Variants in ITGBL1 observed in about 807,000 individuals in gnomAD.
ITGBL1 encodes the protein integrin beta-like protein 1.
A neutral mutation model predicts 68.5 loss-of-function variants in ITGBL1; 51 were observed. The ratio of observed to expected loss-of-function variants is 0.74; its 90% CI spans 0.59 to 0.94. ITGBL1 has a LOEUF of 0.94. ITGBL1 is among the 40% of genes least tolerant of loss of function. The pLI is 0.00. For missense variants in ITGBL1, 649 were observed against 647.4 expected, an observed-to-expected ratio of 1.00 and a Z score of -0.03; for synonymous variants, 209 against 227.3, an observed-to-expected ratio of 0.92 and a Z score of 0.72.
chr13:101,597,590 C>T (rs946686620), intron 6 of ITGBL1, among the ~76,000 whole-genome samples: 2 of 151,548 alleles, frequency 1.3e-5, no homozygotes, highest in African/African-American at 2.4e-5. Context: ...CTCCCTCTGT[C>T]GCTCAGGCTG....
chr13:101,492,800 T>C (rs1038591679), intron 2 of ITGBL1, among the ~76,000 whole-genome samples: 4 of 152,220 alleles, frequency 2.6e-5, no homozygotes, highest in African/African-American at 9.6e-5. Flanking sequence ...CTCTCAAGTA[T>C]ATTGTCTCAC....
At chr13:101,616,069 G>T (rs1425535378) in intron 7 of ITGBL1, among the ~76,000 whole-genome samples, 1 of 152,180 alleles carries the variant, frequency 6.6e-6, no homozygotes, top group Admixed American at 6.5e-5. Flanking sequence ...ATTAGATACA[G>T]CGTAAAAAAG....
chr13:101,461,617 C>G (rs949149347), intron 2 of ITGBL1, among the ~76,000 whole-genome samples: 2 of 152,058 alleles, frequency 1.3e-5, no homozygotes, highest in African/African-American at 4.8e-5. Flanking sequence ...CTCATTTGAG[C>G]ATGGGAGATT....
At position 101,493,904 on chromosome 13, in the gene ITGBL1, A is replaced by G. The variant is rs187001362; in HGVS notation, c.316+39804A>G. Among the ~76,000 whole-genome samples, 347 of 152,332 alleles carry G rather than the reference A, an allele frequency of 2.3e-3. 2 individuals carry two copies. The highest frequency in any genetic ancestry group is 2.8e-3 in the Non-Finnish European group (192 of 68,030). ...GTTGCTAGTTTCTAATTTCAGATCC[A>G]TTTAAGAGATTTGCCAGGTTAGATT... On this transcript the variant is annotated intron_variant, in intron 2 of 10. Transcript: ENST00000376180.
intron 7 of ITGBL1, among the ~76,000 whole-genome samples, chr13:101,661,128 T>TAA (rs5806242): frequency 0.12 from 17,460 of 149,328 alleles, 1,212 homozygotes; most frequent in East Asian, 0.31. Flanking sequence ...ACAAACATAG[T>TAA]AAAAAAAAAA....
chr13:101,689,958 T>G (rs1405476110), intron 7 of ITGBL1, among the ~76,000 whole-genome samples: 1 of 152,252 alleles, frequency 6.6e-6, no homozygotes, highest in Non-Finnish European at 1.5e-5. Context: ...TCTTATTCTA[T>G]TTTTGGTGCC....
intron 7 of ITGBL1, among the ~76,000 whole-genome samples, chr13:101,641,060 G>T (rs972985295): frequency 6.6e-6 from 1 of 152,112 alleles, no homozygotes; most frequent in African/African-American, 2.4e-5. Context: ...TTATGCCTAT[G>T]TTCTGAGTGT....
chr13:101,603,478 G>A (rs1424605238), intron 7 of ITGBL1, among the ~76,000 whole-genome samples: 1 of 151,820 alleles, frequency 6.6e-6, no homozygotes, highest in Non-Finnish European at 1.5e-5. Flanking sequence ...ATCTGCATTG[G>A]AATATTGTCA....
chr13:101,484,214 G>A (rs1172437048), intron 2 of ITGBL1, among the ~76,000 whole-genome samples: 1 of 151,792 alleles, frequency 6.6e-6, no homozygotes, highest in Non-Finnish European at 1.5e-5. Context: ...TGGTTAAAAG[G>A]GATAGGTAAA....
intron 7 of ITGBL1, among the ~76,000 whole-genome samples, chr13:101,616,389 G>C (rs10454530): frequency 0.028 from 4,309 of 152,168 alleles, 204 homozygotes; most frequent in African/African-American, 0.097. Flanking sequence ...AAATTCTGGG[G>C]GTATAAATCT....
chr13:101,560,050 G>A (rs185948782), intron 2 of ITGBL1, among the ~76,000 whole-genome samples: 1 of 152,258 alleles, frequency 6.6e-6, no homozygotes, highest in Non-Finnish European at 1.5e-5. Flanking sequence ...AGCTTGAGAA[G>A]CAAGCCAGGG....
chr13:101,507,051 A>T (rs2049037070), intron 2 of ITGBL1, among the ~76,000 whole-genome samples: 1 of 152,188 alleles, frequency 6.6e-6, no homozygotes, highest in African/African-American at 2.4e-5. Context: ...GGTGAAGAAG[A>T]CATTTGGGAG....
At chr13:101,692,409 T>G (rs2033900195) in intron 7 of ITGBL1, among the ~76,000 whole-genome samples, 176 bp from the exon 8 acceptor site, 1 of 152,178 alleles carries the variant, frequency 6.6e-6, no homozygotes, top group Non-Finnish European at 1.5e-5. Context: ...ACGGAATTTC[T>G]TCTTGAACTT....
At chr13:101,518,673 T>C (rs1001145699) in intron 2 of ITGBL1, among the ~76,000 whole-genome samples, 1 of 152,218 alleles carries the variant, frequency 6.6e-6, no homozygotes, top group Non-Finnish European at 1.5e-5. Context: ...ATGTATAATA[T>C]TGGCCTTGAG....
intron 7 of ITGBL1, among the ~76,000 whole-genome samples, chr13:101,626,746 T>G (rs1303170542): frequency 6.6e-6 from 1 of 152,226 alleles, no homozygotes; most frequent in African/African-American, 2.4e-5. Context: ...TTATTGATGT[T>G]AATGTGCCAA....
intron 6 of ITGBL1, among the ~76,000 whole-genome samples, chr13:101,595,929 A>G (rs1394402576): frequency 6.6e-6 from 1 of 152,198 alleles, no homozygotes; most frequent in Non-Finnish European, 1.5e-5. Flanking sequence ...CAAGATATGA[A>G]AACAACACAA....
At chr13:101,583,191 T>C in intron 5 of ITGBL1, 25 bp from the exon 6 acceptor site, 2 of 1,609,004 alleles carry the variant, frequency 1.2e-6, no homozygotes, top group South Asian at 1.1e-5. Context: ...GACTGGATTC[T>C]TATAAAATTC....
intron 2 of ITGBL1, among the ~76,000 whole-genome samples, chr13:101,516,943 A>G (rs2079760243): frequency 6.6e-6 from 1 of 152,198 alleles, no homozygotes; most frequent in Admixed American, 6.5e-5. Context: ...TGTGAAATCA[A>G]ATTGGCAGAG....
rs116080311 is a variant in ITGBL1 at position 101,529,305 on chromosome 13, A to G, written c.317-38394A>G. Among the ~76,000 whole-genome samples, 1,488 of 152,216 alleles carry G rather than the reference A, an allele frequency of 9.8e-3. 25 individuals are homozygous for G. The highest frequency in any genetic ancestry group is 0.033 in the African/African-American group (1,389 of 41,558). ...AGGGAAAGAACTGATACTAAAATCT[A>G]TAATTCAGAAAAAGTTTCTGCAGTG... On this transcript the variant is annotated intron_variant, in intron 2 of 10. Coordinates refer to ENST00000376180, the MANE Select transcript of ITGBL1 (RefSeq NM_004791.3).
Sources: allele counts gnomAD v4.1 joint callset (sites outside exome capture counted in the v4.1 genomes callset), GRCh38; gene constraint gnomAD v4.1.1; transcripts MANE v1.5; gene names NCBI Gene and HGNC (gene_info 2026-07-23, HGNC 2026-07-21).